The following RBM19 variants were observed in gnomAD, a reference collection of about 807,000 sequenced individuals.
RBM19 encodes the protein RNA binding motif protein 19.
Under a neutral mutation model 116.8 loss-of-function variants are expected in RBM19, and 94 were observed. That is an observed-to-expected ratio of 0.80 (90% CI 0.68 to 0.95). The LOEUF (loss-of-function observed/expected upper bound fraction) is 0.95. Ranked by LOEUF, RBM19 falls within the 40% of genes least tolerant of loss-of-function variation. The probability of loss-of-function intolerance (pLI) is 0.00; values close to 1 mark genes in which losing one functional copy is unlikely to be tolerated. For missense variants in RBM19, 1,161 were observed against 1,220.7 expected (o/e 0.95, Z 0.73); for synonymous variants, 475 against 494.1 (o/e 0.96, Z 0.51).
At chr12:113,906,566 C>A (rs1882058030) in intron 21 of RBM19, among the ~76,000 whole-genome samples, 1 of 152,068 alleles carries the variant, frequency 6.6e-6, no homozygotes, top group African/African-American at 2.4e-5. Context: ...GACCACCTGC[C>A]ATACTGTCCG....
chr12:113,904,990 G>A (rs1466332), intron 21 of RBM19, among the ~76,000 whole-genome samples: 93,665 of 152,178 alleles, frequency 0.62, 29,896 homozygotes, highest in African/African-American at 0.78. Context: ...TCCCACTTCC[G>A]TGGCTGACGC....
At chr12:113,940,522 C>T (rs552354237) in intron 14 of RBM19, among the ~76,000 whole-genome samples, 7 of 152,340 alleles carry the variant, frequency 4.6e-5, no homozygotes, top group Admixed American at 2.0e-4. Context: ...CCTGCTACCA[C>T]GTGCAGCCAG....
chr12:113,828,915 T>C (rs1217490959), intron 23 of RBM19, among the ~76,000 whole-genome samples: 1 of 152,096 alleles, frequency 6.6e-6, no homozygotes, highest in East Asian at 1.9e-4. Flanking sequence ...ACGCACAGAA[T>C]AAAGGGTACT....
rs372795655 is a variant in RBM19 at position 113,948,795 on chromosome 12, C to T, written c.1276+38G>A. On this transcript the variant is annotated intron_variant, in intron 10 of 23. Coordinates refer to ENST00000261741, the MANE Select transcript of RBM19 (RefSeq NM_016196.4). The stretch of plus-strand genomic sequence containing the variant: ...CAGAGTGAGAGCCCGGCTCCCATAG[C>T]CGCTGGGCTATCCACGGCCCGGAGG... The T allele has an allele frequency of 3.6e-4, 582 of 1,606,010 alleles. 1 individual carries two copies. The highest frequency in any genetic ancestry group is 4.5e-4 in the Non-Finnish European group (525 of 1,173,470).
At chr12:113,881,399 C>T (rs1880116582) in intron 21 of RBM19, among the ~76,000 whole-genome samples, 2 of 152,170 alleles carry the variant, frequency 1.3e-5, no homozygotes, top group South Asian at 4.1e-4. Flanking sequence ...AGGCCCACGG[C>T]TGGGGAGATG....
At chr12:113,952,729 C>A in intron 7 of RBM19, 139 bp from the exon 8 acceptor site, 1 of 612,902 alleles carries the variant, frequency 1.6e-6, no homozygotes, top group Non-Finnish European at 2.8e-6. Context: ...TTATACGTAT[C>A]GCTTCTCCAA....
intron 23 of RBM19, among the ~76,000 whole-genome samples, chr12:113,823,778 G>A (rs1403247610): frequency 3.9e-5 from 6 of 152,172 alleles, no homozygotes; most frequent in Non-Finnish European, 8.8e-5. Flanking sequence ...TGGCTTGGAG[G>A]AAGCTGAAAC....
chr12:113,884,441 C>A (rs555516073), intron 21 of RBM19, among the ~76,000 whole-genome samples: 56 of 152,220 alleles, frequency 3.7e-4, no homozygotes, highest in African/African-American at 1.3e-3. Flanking sequence ...TTTTAGTTGT[C>A]ATTTTTTGGG....
Position 113,852,227 on chromosome 12 carries a change from C to A in RBM19, c.2664+6564G>T, listed in dbSNP as rs542566510. Among the ~76,000 whole-genome samples, 5 of 152,230 alleles carry A rather than the reference C, an allele frequency of 3.3e-5. No individual in the cohort carries two copies. In the East Asian group the frequency reaches 5.8e-4, roughly 18 times the overall value. ...AGGACTGTGCAGTCCTCAGTCCGCACAGAAGCTCCAGGGACACAATTAGCA... is the reference window on the plus strand; with the variant it reads ...AGGACTGTGCAGTCCTCAGTCCGCAAAGAAGCTCCAGGGACACAATTAGCA... On this transcript the variant is annotated intron_variant, in intron 22 of 23. Coordinates refer to ENST00000261741, the MANE Select transcript of RBM19 (RefSeq NM_016196.4).
chr12:113,936,628 T>C (rs989130089), intron 16 of RBM19, among the ~76,000 whole-genome samples: 6 of 152,308 alleles, frequency 3.9e-5, no homozygotes, highest in Non-Finnish European at 7.4e-5. Context: ...TCACTGGACA[T>C]CAGAGGGCAC....
intron 23 of RBM19, among the ~76,000 whole-genome samples, chr12:113,827,557 G>C (rs1375739247): frequency 2.6e-5 from 4 of 152,092 alleles, no homozygotes; most frequent in Non-Finnish European, 5.9e-5. Context: ...AAGAGAAAGC[G>C]CTTCTTGGGG....
At chr12:113,920,319 A>T (rs1187347138) in intron 19 of RBM19, among the ~76,000 whole-genome samples, 1 of 152,122 alleles carries the variant, frequency 6.6e-6, no homozygotes, top group African/African-American at 2.4e-5. Context: ...ACCCCACCAG[A>T]AAGAGGGGCC....
intron 19 of RBM19, among the ~76,000 whole-genome samples, 157 bp downstream of exon 19, chr12:113,920,454 T>C (rs1868428848): frequency 1.3e-5 from 2 of 152,090 alleles, no homozygotes; most frequent in African/African-American, 4.8e-5. Flanking sequence ...TTCTTAATTT[T>C]TTCTTGGGCC....
chr12:113,958,311 C>T (rs1294011747), intron 5 of RBM19, among the ~76,000 whole-genome samples: 1 of 152,192 alleles, frequency 6.6e-6, no homozygotes, highest in Non-Finnish European at 1.5e-5. Context: ...TAGTCCTCTA[C>T]ACGGCAGCCT....
At position 113,937,078 on chromosome 12, in the gene RBM19, G is replaced by T; in HGVS notation, c.1997C>A (p.Ala666Asp). ...GTCTTGGAGCTTTTTCTTCTGTGGG[G>T]CTGTGCTGGAGAAGACGCCAACTGG... ...WAPVGVFSST[A>D]PQKKKLQDTP... Residue 666 changes from alanine (A) to aspartate (D), a missense_variant, in exon 16 of 24, where the codon GCC (alanine) becomes GAC (aspartate). Physicochemically the swap from Ala to Asp is moderately radical, Grantham distance 126. Coordinates refer to ENST00000261741, the MANE Select transcript of RBM19 (RefSeq NM_016196.4). 1 of 1,614,078 alleles carries T rather than the reference G, an allele frequency of 6.2e-7. No homozygotes were observed. The highest frequency in any genetic ancestry group is 8.5e-7 in the Non-Finnish European group (1 of 1,179,990).
At chr12:113,965,087 A>T (rs1287503013) in intron 1 of RBM19, among the ~76,000 whole-genome samples, 1 of 152,096 alleles carries the variant, frequency 6.6e-6, no homozygotes, top group Non-Finnish European at 1.5e-5. Context: ...CTTGTCCAAC[A>T]TGGCGAAACC....
At chr12:113,866,744 C>A (rs1459504718) in intron 21 of RBM19, among the ~76,000 whole-genome samples, 1 of 152,196 alleles carries the variant, frequency 6.6e-6, no homozygotes, top group Non-Finnish European at 1.5e-5. Flanking sequence ...AGGTCCACTG[C>A]CCCACTGGAA....
intron 21 of RBM19, among the ~76,000 whole-genome samples, chr12:113,890,444 C>T (rs539765392): frequency 1.8e-4 from 28 of 152,320 alleles, no homozygotes; most frequent in Admixed American, 7.2e-4. Flanking sequence ...CCGCTTGCAC[C>T]TTGCTGACAG....
intron 20 of RBM19, 78 bp from the exon 21 acceptor site, chr12:113,915,163 C>T: frequency 8.7e-6 from 10 of 1,146,332 alleles, no homozygotes; most frequent in Non-Finnish European, 1.3e-5. Flanking sequence ...CACTACGCCT[C>T]CATCAGAATA....
Sources: gnomAD v4.1 joint callset for allele counts (sites outside exome capture counted in the v4.1 genomes callset) on GRCh38, gnomAD v4.1.1 for gene constraint, MANE v1.5 for transcripts, NCBI Gene and HGNC (gene_info 2026-07-23, HGNC 2026-07-21) for gene names.